ALMS1: variants seen among roughly 807,000 people sequenced by gnomAD.
The protein encoded by ALMS1 is centrosome-associated protein ALMS1.
A neutral mutation model predicts 352.2 loss-of-function variants in ALMS1; 271 were observed. The ratio of observed to expected loss-of-function variants is 0.77; its 90% confidence interval spans 0.70 to 0.85. ALMS1 has a LOEUF of 0.85. ALMS1 is among the 40% of genes least tolerant of loss of function. The pLI is 0.00. For missense variants in ALMS1, 5,445 were observed against 4,870.7 expected (o/e 1.12, Z -3.51); for synonymous variants, 1,865 against 1,761.2 (o/e 1.06, Z -1.48).
chr2:73,537,607 A>G (rs1252727264), intron 12 of ALMS1, among the ~76,000 whole-genome samples: 1 of 152,228 alleles, frequency 6.6e-6, no homozygotes, highest in Non-Finnish European at 1.5e-5. Flanking sequence ...AAGAATATAG[A>G]CTTTACAGAA....
intron 12 of ALMS1, among the ~76,000 whole-genome samples, chr2:73,545,593 A>G (rs551142934): frequency 6.6e-6 from 1 of 152,370 alleles, no homozygotes; most frequent in South Asian, 2.1e-4. Context: ...GGTTGAGTAT[A>G]CGAAATTAGC....
At chr2:73,414,489 G>GTTTTTTTTTTTTTTTTTTT (rs11395837) in intron 2 of ALMS1, among the ~76,000 whole-genome samples, 2 of 94,250 alleles carry the variant, frequency 2.1e-5, no homozygotes, top group East Asian at 3.3e-4. Context: ...TTTTTTTTTT[G>GTTTTTTTTTTTTTTTTTTT]TTTTTTTTTT....
At chr2:73,538,893 G>A (rs1272191815) in intron 12 of ALMS1, among the ~76,000 whole-genome samples, 3 of 152,172 alleles carry the variant, frequency 2.0e-5, no homozygotes, top group South Asian at 2.1e-4. Flanking sequence ...CGGGAAGCTC[G>A]AACTGGGTGG....
rs370945765 is a variant in ALMS1 at position 73,567,931 on chromosome 2, A to T, written c.10385-4331A>T. Among the ~76,000 whole-genome samples, 29 of 152,266 alleles carry T rather than the reference A, an allele frequency of 1.9e-4. No homozygotes were observed. The East Asian group carries it at 1.9e-3, about 10-fold the overall frequency. ...CATGGTAGAAAATATCATAATGCAA[A>T]ATCAATTTATAAATGAATAATGGGA... On this transcript the variant is annotated intron_variant, in intron 15 of 22. Coordinates refer to ENST00000613296, the MANE Select transcript of ALMS1 (RefSeq NM_001378454.1).
At chr2:73,542,288 T>C (rs933577778) in intron 12 of ALMS1, among the ~76,000 whole-genome samples, 2 of 152,172 alleles carry the variant, frequency 1.3e-5, no homozygotes, top group African/African-American at 4.8e-5. Context: ...TCTCAATAGA[T>C]GCAGAAAAGG....
chr2:73,530,068 T>C (rs1218421888), intron 11 of ALMS1, among the ~76,000 whole-genome samples: 1 of 152,074 alleles, frequency 6.6e-6, no homozygotes, highest in Admixed American at 6.5e-5. Context: ...ATTATTCCAC[T>C]CCTGGCCCCT....
intron 9 of ALMS1, among the ~76,000 whole-genome samples, chr2:73,482,387 T>C (rs1457408797): frequency 6.6e-6 from 1 of 152,212 alleles, no homozygotes; most frequent in Non-Finnish European, 1.5e-5. Flanking sequence ...CATTTATTGA[T>C]TTGCATATAT....
Position 73,559,036 on chromosome 2 carries a change from G to C in ALMS1, c.10278G>C (p.Leu3426Phe). The change falls in exon 15 of 23, where the codon TTG becomes TTC. Residue 3426 changes from leucine (L) to phenylalanine (F), a missense_variant. Transcript: ENST00000613296. ...TAGGAGACCCAGAAATGAAGAACTT[G>C]CCAGACACTAAAGCCATTACACAGA... Reference protein sequence around the residue: ...AQVGDPEMKNLPDTKAITQKE... With the variant: ...AQVGDPEMKNFPDTKAITQKE... 6.2e-7 allele frequency: 1 copy of C among 1,614,024 alleles called. No individual in the cohort carries two copies. Among genetic ancestry groups the C allele is most frequent in the Non-Finnish European group, 8.5e-7 (1 of 1,179,954 alleles).
intron 3 of ALMS1, 78 bp from the exon 4 acceptor site, chr2:73,422,779 G>T (rs1174762275): frequency 8.7e-7 from 1 of 1,143,102 alleles, no homozygotes; most frequent in Non-Finnish European, 1.3e-6. Context: ...GCATATGTAG[G>T]TGCTTTAAAG....
At chr2:73,578,205 TC>T (rs1049683225) in intron 16 of ALMS1, among the ~76,000 whole-genome samples, 2 of 152,192 alleles carry the variant, frequency 1.3e-5, no homozygotes, top group Non-Finnish European at 2.9e-5. Context: ...ACCCCAGCTC[TC>T]TTTTGGGTAA....
chr2:73,468,576 A>G (rs1253222484), intron 9 of ALMS1, among the ~76,000 whole-genome samples: 1 of 151,602 alleles, frequency 6.6e-6, no homozygotes, highest in African/African-American at 2.4e-5. Flanking sequence ...GGCAGCCACC[A>G]TTTTCCTTTT....
intron 1 of ALMS1, among the ~76,000 whole-genome samples, chr2:73,392,264 G>A (rs202036112): frequency 8.8e-5 from 2 of 22,704 alleles, no homozygotes; most frequent in Non-Finnish European, 1.9e-4. Flanking sequence ...ACTTTGATGT[G>A]TGTGTGTGTG....
chr2:73,408,853 TG>T, intron 2 of ALMS1, 106 bp downstream of exon 2: 5 of 930,412 alleles, frequency 5.4e-6, no homozygotes, highest in South Asian at 3.8e-5. Flanking sequence ...ATTAATATTA[TG>T]TTTTCTTGTC....
Position 73,424,684 on chromosome 2 carries a change from A to G in ALMS1, c.1019A>G (p.Asp340Gly). Residue 340 changes from aspartate (D) to glycine (G), a missense_variant, in exon 5 of 23, where the codon GAT becomes GGT. Physicochemically the swap from Asp to Gly is moderately conservative, Grantham distance 94. Coordinates refer to ENST00000613296, the MANE Select transcript of ALMS1 (RefSeq NM_001378454.1). ...ATTCCCAAAGACTGTGATCGTTATG[A>G]TGATCTTTGTTCATATATGTCATGG... ...LKIPKDCDRY[D>G]DLCSYMSWKT... 6.2e-7 allele frequency: 1 copy of G among 1,614,116 alleles called. No individual in the cohort carries two copies. Among genetic ancestry groups the G allele is most frequent in the Non-Finnish European group, 8.5e-7 (1 of 1,180,008 alleles).
chr2:73,547,226 T>G (rs1293142356), intron 12 of ALMS1, among the ~76,000 whole-genome samples: 2 of 152,168 alleles, frequency 1.3e-5, no homozygotes, highest in Non-Finnish European at 2.9e-5. Flanking sequence ...TAAATACATT[T>G]TTGACTAACA....
At position 73,468,007 on chromosome 2, in the gene ALMS1, C is replaced by T. The variant is rs116227144; in HGVS notation, c.7674+12712C>T. 7.8e-3 allele frequency among the ~76,000 whole-genome samples: 1,185 copies of T among 152,038 alleles called. 13 individuals are homozygous for T. The highest frequency in any genetic ancestry group is 0.027 in the African/African-American group (1,133 of 41,510). ...TTTTTGTATATCTGGATATGGGCAG[C>T]ATTTACATTGCTGTCATCACATATA... is the stretch of plus-strand genomic sequence containing the variant. On this transcript the variant is annotated intron_variant, in intron 9 of 22. Coordinates refer to ENST00000613296, the MANE Select transcript of ALMS1 (RefSeq NM_001378454.1).
intron 12 of ALMS1, among the ~76,000 whole-genome samples, chr2:73,542,913 C>G (rs1014725343): frequency 6.6e-6 from 1 of 152,016 alleles, no homozygotes; most frequent in Non-Finnish European, 1.5e-5. Flanking sequence ...TAGGAAGAAT[C>G]AATATTGTGA....
intron 10 of ALMS1, among the ~76,000 whole-genome samples, chr2:73,517,268 T>C (rs1475419288): frequency 6.7e-6 from 1 of 150,028 alleles, no homozygotes; most frequent in Non-Finnish European, 1.5e-5. Flanking sequence ...TTTTTTCTTA[T>C]AGAGACAAGG....
At chr2:73,549,489 C>G (rs79614219) in intron 12 of ALMS1, among the ~76,000 whole-genome samples, 7,123 of 152,262 alleles carry the variant, frequency 0.047, 542 homozygotes, top group African/African-American at 0.16. Context: ...TTTTTAATAT[C>G]TTCTACCACT....
Sources: gnomAD v4.1 joint callset for allele counts (sites outside exome capture counted in the v4.1 genomes callset) on GRCh38, gnomAD v4.1.1 for gene constraint, MANE v1.5 for transcripts, NCBI Gene and HGNC (gene_info 2026-07-23, HGNC 2026-07-21) for gene names.